The following MRTFA variants were observed in gnomAD, a reference collection of about 807,000 sequenced individuals.
MRTFA encodes myocardin-related transcription factor A.
Under a neutral mutation model 83.5 loss-of-function variants are expected in MRTFA, and 20 were observed. The observed-to-expected ratio is 0.24, with a 90% CI of 0.17 to 0.35. The LOEUF is 0.35. MRTFA is among the 10% of genes least tolerant of loss of function. The pLI is 1.00. For synonymous variants in MRTFA, 659 were observed against 541.2 expected, an observed-to-expected ratio of 1.22 and a Z score of -3.02; for missense variants, 1,200 against 1,224.7, an observed-to-expected ratio of 0.98 and a Z score of 0.30.
At chr22:40,427,336 G>A (rs972812018) in intron 7 of MRTFA, among the ~76,000 whole-genome samples, 1 of 152,208 alleles carries the variant, frequency 6.6e-6, no homozygotes, top group Non-Finnish European at 1.5e-5. Flanking sequence ...GTGTGGGCCA[G>A]CCTCCAGTAG....
intron 4 of MRTFA, among the ~76,000 whole-genome samples, chr22:40,437,020 A>T (rs1038518682): frequency 9.9e-5 from 15 of 152,186 alleles, no homozygotes; most frequent in East Asian, 1.9e-4. Flanking sequence ...ATTTTTAAAA[A>T]TTTTTTGTGA....
chr22:40,483,955 C>T (rs138430531), intron 3 of MRTFA, among the ~76,000 whole-genome samples: 6 of 152,152 alleles, frequency 3.9e-5, no homozygotes, highest in African/African-American at 9.6e-5. Flanking sequence ...GATCCGCTCA[C>T]CTCAACCTCC....
intron 2 of MRTFA, chr22:40,569,423 G>T: frequency 5.9e-6 from 1 of 170,798 alleles, no homozygotes; most frequent in Admixed American, 6.2e-5. Flanking sequence ...GGCAATGACT[G>T]CTAAAGGAGG....
intron 1 of MRTFA, among the ~76,000 whole-genome samples, chr22:40,596,920 A>C (rs1192148150): frequency 2.0e-5 from 3 of 151,714 alleles, no homozygotes; most frequent in Admixed American, 2.0e-4. Flanking sequence ...GGTTGCAATG[A>C]GCCGAGATCA....
At chr22:40,462,748 T>TA (rs976401496) in intron 4 of MRTFA, among the ~76,000 whole-genome samples, 1 of 152,180 alleles carries the variant, frequency 6.6e-6, no homozygotes, top group African/African-American at 2.4e-5. Context: ...AGGCCAGCCT[T>TA]AGAGTATCTC....
intron 14 of MRTFA, chr22:40,415,534 G>A (rs947693600): frequency 6.6e-6 from 1 of 152,552 alleles, no homozygotes; most frequent in Non-Finnish European, 1.5e-5. Context: ...AAGCCACTGA[G>A]ACACTCAAAG....
chr22:40,572,729 G>A (rs1021544125), intron 2 of MRTFA, among the ~76,000 whole-genome samples: 12 of 152,180 alleles, frequency 7.9e-5, no homozygotes, highest in East Asian at 3.8e-4. Context: ...AGCAAGTCGC[G>A]TCTTACATGG....
At chr22:40,460,008 A>T (rs2053682449) in intron 4 of MRTFA, among the ~76,000 whole-genome samples, 1 of 151,442 alleles carries the variant, frequency 6.6e-6, no homozygotes, top group Admixed American at 6.6e-5. Context: ...GGTGGTGCAA[A>T]CTCGGCTTGC....
intron 3 of MRTFA, among the ~76,000 whole-genome samples, chr22:40,491,371 G>A (rs1169503344): frequency 6.6e-6 from 1 of 151,864 alleles, no homozygotes; most frequent in Admixed American, 6.6e-5. Flanking sequence ...AGACTATGAA[G>A]GAAGGCTGTT....
At chr22:40,489,110 A>G (rs1474748063) in intron 3 of MRTFA, among the ~76,000 whole-genome samples, 2 of 152,140 alleles carry the variant, frequency 1.3e-5, no homozygotes, top group African/African-American at 2.4e-5. Context: ...ATAAAAAAAG[A>G]AAATATTAAG....
intron 14 of MRTFA, among the ~76,000 whole-genome samples, chr22:40,414,385 CTAGGTT>C (rs1485686489): frequency 6.6e-5 from 10 of 152,276 alleles, no homozygotes; most frequent in Middle Eastern, 3.4e-3. Flanking sequence ...AATTCCAACC[CTAGGTT>C]TATGCCCAGA....
chr22:40,423,779 A>T (rs1005623550), intron 8 of MRTFA, 94 bp from the exon 9 acceptor site: 13 of 1,195,122 alleles, frequency 1.1e-5, no homozygotes, highest in Non-Finnish European at 1.5e-5. Flanking sequence ...AGACGCCACC[A>T]TTGTCAGAGG....
intron 4 of MRTFA, among the ~76,000 whole-genome samples, chr22:40,461,608 C>T (rs1003469384): frequency 2.1e-5 from 3 of 145,648 alleles, no homozygotes; most frequent in Non-Finnish European, 4.5e-5. Flanking sequence ...TACGGTGAAA[C>T]CCCGTCTCTA....
intron 1 of MRTFA, among the ~76,000 whole-genome samples, chr22:40,602,665 C>G (rs1218007885): frequency 6.6e-6 from 1 of 150,710 alleles, no homozygotes; most frequent in African/African-American, 2.4e-5. Flanking sequence ...ATGGTGAAAC[C>G]CCATCTCCAC....
At chr22:40,513,147 G>C (rs1205509569) in intron 3 of MRTFA, among the ~76,000 whole-genome samples, 1 of 152,162 alleles carries the variant, frequency 6.6e-6, no homozygotes, top group Admixed American at 6.5e-5. Flanking sequence ...TTTTGAAACT[G>C]AGTAGTCTAA....
intron 3 of MRTFA, among the ~76,000 whole-genome samples, chr22:40,489,348 ATT>A (rs763038203): frequency 2.1e-5 from 3 of 144,740 alleles, no homozygotes; most frequent in Non-Finnish European, 3.1e-5. Flanking sequence ...ATAATTTCAA[ATT>A]TTTTTTTTTT....
chr22:40,415,984 C>A (rs1440634868), intron 14 of MRTFA, among the ~76,000 whole-genome samples: 1 of 152,160 alleles, frequency 6.6e-6, no homozygotes, highest in Non-Finnish European at 1.5e-5. Flanking sequence ...AACTGCCAAT[C>A]TAGATGTGAC....
In MRTFA at chr22:40,521,855, CT is replaced by C. The variant is rs879756880; in HGVS notation, c.241+30250del. On this transcript the variant is annotated intron_variant, in intron 3 of 14. Transcript: ENST00000355630. ...AGTCAATGTTCCCTCTCTCTCTCTC[CT>C]TTTTTTTTTTTTAAGACGGAGTCTT... is the stretch of plus-strand genomic sequence containing the variant. 8.2e-3 allele frequency: 1,152 copies of C among 140,448 alleles called. 11 individuals are homozygous for C. The highest frequency in any genetic ancestry group is 0.024 in the African/African-American group (890 of 37,234). The allele number at this position is 140,448 out of a possible 1,614,324, so 8.7% of individuals were successfully genotyped here.
intron 1 of MRTFA, among the ~76,000 whole-genome samples, chr22:40,595,994 C>G (rs1243682456): frequency 6.6e-6 from 1 of 151,268 alleles, no homozygotes; most frequent in Non-Finnish European, 1.5e-5. Flanking sequence ...TCTCCCTGGC[C>G]CTGAAGCCTT....
Sources: allele counts gnomAD v4.1 joint callset (sites outside exome capture counted in the v4.1 genomes callset), GRCh38; gene constraint gnomAD v4.1.1; transcripts MANE v1.5; gene names NCBI Gene and HGNC (gene_info 2026-07-23, HGNC 2026-07-21).